The following CNTNAP2 variants were observed in gnomAD, a reference collection of about 807,000 sequenced individuals.
The protein encoded by CNTNAP2 is contactin-associated protein-like 2.
Under a neutral mutation model 155.2 loss-of-function variants are expected in CNTNAP2, and 98 were observed. That is an observed-to-expected ratio of 0.63 (90% CI 0.54 to 0.75). The LOEUF (loss-of-function observed/expected upper bound fraction) is 0.75, where lower values mean the gene tolerates loss of function less well. CNTNAP2 is among the 30% of genes least tolerant of loss of function. CNTNAP2 has a pLI of 0.00. For missense variants in CNTNAP2, 1,727 were observed against 1,688.1 expected (o/e 1.02, Z -0.40); for synonymous variants, 651 against 631.2 (o/e 1.03, Z -0.47).
chr7:147,144,039 G>T (rs1418069466), intron 8 of CNTNAP2, among the ~76,000 whole-genome samples: 1 of 152,086 alleles, frequency 6.6e-6, no homozygotes, highest in Non-Finnish European at 1.5e-5. Context: ...AAAAACAAGA[G>T]AATAAATTTT....
At chr7:147,083,539 T>TATATATATGTATATATATATATACAC (rs1224219333) in intron 4 of CNTNAP2, among the ~76,000 whole-genome samples, 2 of 30,394 alleles carry the variant, frequency 6.6e-5, no homozygotes, top group Non-Finnish European at 2.5e-4. Flanking sequence ...TATATATACA[T>TATATATATGTATATATATATATACAC]ATATATATAT....
intron 3 of CNTNAP2, among the ~76,000 whole-genome samples, chr7:146,913,241 G>A (rs139462647): frequency 2.6e-5 from 4 of 152,204 alleles, no homozygotes; most frequent in Non-Finnish European, 4.4e-5. Flanking sequence ...GTTAGCTGAC[G>A]TGCATGGTAT....
At chr7:148,190,966 C>A (rs1022077799) in intron 18 of CNTNAP2, 1 of 152,060 alleles carries the variant, frequency 6.6e-6, no homozygotes, top group Admixed American at 6.6e-5. Context: ...AAAGAAGATT[C>A]CAGATTCCAG....
chr7:147,389,548 TTTTC>T (rs1256577464), intron 9 of CNTNAP2, among the ~76,000 whole-genome samples: 2 of 152,214 alleles, frequency 1.3e-5, no homozygotes, highest in East Asian at 1.9e-4. Flanking sequence ...AATGCTTGTG[TTTTC>T]TTTGTCAGCA....
At chr7:147,879,907 C>G (rs1206606445) in intron 13 of CNTNAP2, among the ~76,000 whole-genome samples, 1 of 152,158 alleles carries the variant, frequency 6.6e-6, no homozygotes, top group Non-Finnish European at 1.5e-5. Flanking sequence ...TTGCATCTTT[C>G]CCTAACTGTG....
At chr7:147,328,567 AT>A (rs1045554386) in intron 9 of CNTNAP2, among the ~76,000 whole-genome samples, 3 of 152,226 alleles carry the variant, frequency 2.0e-5, no homozygotes, top group African/African-American at 7.2e-5. Flanking sequence ...ATCTCTGGAA[AT>A]ATTATAAAAT....
At chr7:146,698,083 T>C (rs1800812493) in intron 1 of CNTNAP2, among the ~76,000 whole-genome samples, 1 of 152,164 alleles carries the variant, frequency 6.6e-6, no homozygotes, top group Admixed American at 6.6e-5. Context: ...CATTAACGTA[T>C]TCCCAATTCC....
In CNTNAP2 at chr7:146,697,672, G is replaced by A. The variant is rs551212985; in HGVS notation, c.98-76599G>A. ...TCCATCCCTTCATCTTAATTTATAT[G>A]TGTCTTTATATTTAAAGTGAATTTC... On this transcript the variant is annotated intron_variant, in intron 1 of 23. Coordinates refer to ENST00000361727, the MANE Select transcript of CNTNAP2 (RefSeq NM_014141.6). 9.9e-5 allele frequency among the ~76,000 whole-genome samples: 15 copies of A among 152,032 alleles called. No homozygotes were observed. In the South Asian group the frequency reaches 3.1e-3, roughly 32 times the overall value.
intron 10 of CNTNAP2, among the ~76,000 whole-genome samples, chr7:147,407,611 A>C (rs1797032134): frequency 6.6e-6 from 1 of 152,116 alleles, no homozygotes; most frequent in Non-Finnish European, 1.5e-5. Flanking sequence ...CACAATGAGA[A>C]AACCAAAAGT....
At chr7:147,859,156 G>A (rs922668399) in intron 13 of CNTNAP2, among the ~76,000 whole-genome samples, 1 of 152,080 alleles carries the variant, frequency 6.6e-6, no homozygotes, top group Non-Finnish European at 1.5e-5. Flanking sequence ...AAGAAGTAGG[G>A]AAGTTTCAGC....
chr7:148,220,762 A>T (rs1373442642), intron 19 of CNTNAP2, among the ~76,000 whole-genome samples: 1 of 152,168 alleles, frequency 6.6e-6, no homozygotes, highest in Non-Finnish European at 1.5e-5. Flanking sequence ...CAGTAAGTAA[A>T]ATCAGAAAGT....
chr7:147,311,836 T>C (rs978256160), intron 9 of CNTNAP2, among the ~76,000 whole-genome samples: 2 of 152,176 alleles, frequency 1.3e-5, no homozygotes, highest in Non-Finnish European at 2.9e-5. Context: ...GTAATATTCT[T>C]ATATGTACAG....
intron 1 of CNTNAP2, among the ~76,000 whole-genome samples, chr7:146,518,264 T>G (rs755455422): frequency 6.6e-6 from 1 of 151,806 alleles, no homozygotes; most frequent in Admixed American, 6.6e-5. Context: ...GAAAAAAATA[T>G]AAGAATACCT....
intron 1 of CNTNAP2, among the ~76,000 whole-genome samples, chr7:146,388,082 G>A (rs993177414): frequency 2.0e-5 from 3 of 148,054 alleles, no homozygotes; most frequent in African/African-American, 7.4e-5. Context: ...ATATGTTTTA[G>A]TTTCTTTTTA....
intron 18 of CNTNAP2, among the ~76,000 whole-genome samples, chr7:148,182,689 G>A (rs111613813): frequency 7.8e-4 from 119 of 152,094 alleles, no homozygotes; most frequent in Non-Finnish European, 8.1e-4. Context: ...AGATAAATAG[G>A]CATTTTATAT....
chr7:146,538,718 A>G (rs532750888), intron 1 of CNTNAP2, among the ~76,000 whole-genome samples: 2 of 152,074 alleles, frequency 1.3e-5, no homozygotes, highest in Admixed American at 1.3e-4. Context: ...TCTCCTAACA[A>G]ACTAGAAAAA....
At chr7:147,727,171 C>G (rs1166996421) in intron 13 of CNTNAP2, among the ~76,000 whole-genome samples, 1 of 151,934 alleles carries the variant, frequency 6.6e-6, no homozygotes, top group Non-Finnish European at 1.5e-5. Flanking sequence ...CCTACCTGAA[C>G]CCCAGTAGAT....
At chr7:147,383,727 G>A (rs1415022492) in intron 9 of CNTNAP2, among the ~76,000 whole-genome samples, 2 of 152,072 alleles carry the variant, frequency 1.3e-5, no homozygotes, top group Non-Finnish European at 2.9e-5. Context: ...CATGGCACAT[G>A]TGTACCTATA....
intron 1 of CNTNAP2, among the ~76,000 whole-genome samples, chr7:146,221,739 T>G (rs1387645273): frequency 6.6e-6 from 1 of 152,198 alleles, no homozygotes; most frequent in Admixed American, 6.5e-5. Context: ...TAACATAAAT[T>G]TATTTTATAA....
Sources: allele counts gnomAD v4.1 joint callset (sites outside exome capture counted in the v4.1 genomes callset), GRCh38; gene constraint gnomAD v4.1.1; transcripts MANE v1.5; gene names NCBI Gene and HGNC (gene_info 2026-07-23, HGNC 2026-07-21).